The following SRC variants were observed in gnomAD, a reference collection of about 807,000 sequenced individuals.
SRC encodes the protein proto-oncogene tyrosine-protein kinase Src.
SRC carries 13 observed loss-of-function variants against 62.9 expected under a neutral mutation model. The ratio of observed to expected loss-of-function variants is 0.21; its 90% CI spans 0.13 to 0.33. The LOEUF (loss-of-function observed/expected upper bound fraction) is 0.33. Among genes scored for constraint, SRC ranks in the 10% least tolerant of loss-of-function variants. The pLI is 1.00. For synonymous variants in SRC, 302 were observed against 317.5 expected, an observed-to-expected ratio of 0.95 and a Z score of 0.52; for missense variants, 457 against 737.3, an observed-to-expected ratio of 0.62 and a Z score of 4.40.
At chr20:37,355,277 C>T (rs553685559) in intron 1 of SRC, among the ~76,000 whole-genome samples, 1 of 151,772 alleles carries the variant, frequency 6.6e-6, no homozygotes, top group African/African-American at 2.4e-5. Flanking sequence ...GCCCCGGAAC[C>T]AGATGAGACA....
At chr20:37,348,606 G>A (rs982063070) in intron 1 of SRC, among the ~76,000 whole-genome samples, 3 of 152,148 alleles carry the variant, frequency 2.0e-5, no homozygotes, top group Non-Finnish European at 4.4e-5. Flanking sequence ...CAAAGAAGGG[G>A]AGAGGGAGCT....
intron 2 of SRC, among the ~76,000 whole-genome samples, chr20:37,369,636 G>A (rs556467626): frequency 2.8e-4 from 42 of 151,966 alleles, no homozygotes; most frequent in Admixed American, 1.1e-3. Flanking sequence ...TTTCATTTTC[G>A]TTCCTAATTG....
At chr20:37,350,064 C>T (rs897773209) in intron 1 of SRC, among the ~76,000 whole-genome samples, 15 of 152,186 alleles carry the variant, frequency 9.9e-5, no homozygotes, top group Non-Finnish European at 1.9e-4. Flanking sequence ...GGCCTTTTGC[C>T]GGAGCTTCAT....
intron 7 of SRC, among the ~76,000 whole-genome samples, chr20:37,395,218 C>T (rs1157575894): frequency 1.3e-5 from 2 of 152,238 alleles, no homozygotes; most frequent in African/African-American, 2.4e-5. Context: ...CTGGGTGACC[C>T]CAGGCTGGCC....
At chr20:37,370,028 G>C (rs1210688989) in intron 2 of SRC, among the ~76,000 whole-genome samples, 6 of 152,166 alleles carry the variant, frequency 3.9e-5, no homozygotes, top group African/African-American at 1.4e-4. Flanking sequence ...TCTAACTCCT[G>C]ACCTCAGGTG....
chr20:37,348,498 A>G (rs1227446816), intron 1 of SRC, among the ~76,000 whole-genome samples: 6 of 152,146 alleles, frequency 3.9e-5, no homozygotes, highest in Non-Finnish European at 8.8e-5. Context: ...GCTGAGCAGT[A>G]TTGTGCTGGG....
At chr20:37,344,762 C>CCCCT (rs1265037703), upstream of SRC, 3 of 152,280 alleles carry the variant, frequency 2.0e-5, no homozygotes, top group Admixed American at 6.5e-5. Context: ...CAGCCCCTTT[C>CCCCT]CCCTCTAGCC....
intron 2 of SRC, among the ~76,000 whole-genome samples, chr20:37,368,529 T>TTTTTTTTTTTTTTG (rs2070106431): frequency 8.1e-6 from 1 of 122,922 alleles, no homozygotes; most frequent in Admixed American, 7.8e-5. Context: ...TTTTTTTTTT[T>TTTTTTTTTTTTTTG]TTTTTTTTTT....
intron 5 of SRC, among the ~76,000 whole-genome samples, chr20:37,392,248 C>A (rs1478665189): frequency 6.6e-6 from 1 of 152,202 alleles, no homozygotes. Flanking sequence ...GGACACAACA[C>A]CCTCTGGCTC....
At chr20:37,353,917 G>T (rs1194763034) in intron 1 of SRC, among the ~76,000 whole-genome samples, 3 of 152,156 alleles carry the variant, frequency 2.0e-5, no homozygotes, top group African/African-American at 7.2e-5. Context: ...TAACCTCTCT[G>T]TGCCTCAGTT....
In SRC at chr20:37,356,440, C is replaced by T. The variant is rs142938302; in HGVS notation, c.-246-8764C>T. On this transcript the variant is annotated intron_variant, in intron 1 of 13. Transcript: ENST00000373578. ...GCTTCAGTGAGGTGGCCCTGGTGGC[C>T]GCACTGAGAACAGATGGGCCTGGAG... 1.9e-3 allele frequency among the ~76,000 whole-genome samples: 295 copies of T among 152,110 alleles called. 2 individuals carry two copies. Among genetic ancestry groups the T allele is most frequent in the Non-Finnish European group, 2.9e-3 (200 of 67,984 alleles).
At chr20:37,368,533 T>TTTTTTTTTTTG (rs2070107444) in intron 2 of SRC, among the ~76,000 whole-genome samples, 1 of 88,874 alleles carries the variant, frequency 1.1e-5, no homozygotes, top group Non-Finnish European at 2.1e-5. Flanking sequence ...TTTTTTTTTT[T>TTTTTTTTTTTG]TTTTTTTTTT....
At chr20:37,363,694 G>A (rs1042979234) in intron 1 of SRC, among the ~76,000 whole-genome samples, 1 of 152,116 alleles carries the variant, frequency 6.6e-6, no homozygotes, top group African/African-American at 2.4e-5. Flanking sequence ...TTCCACCCCC[G>A]CCTGGACCAG....
chr20:37,403,899 T>C lies in SRC; in HGVS notation c.*520T>C, dbSNP rs1314114420. ...AGGCAGAGGCTGCCGAGACAGACCCTCTGCCGCTGCTTCCAGGCTGGGCAG... is the reference window on the plus strand; with the variant it reads ...AGGCAGAGGCTGCCGAGACAGACCCCCTGCCGCTGCTTCCAGGCTGGGCAG... On this transcript the variant is annotated 3_prime_UTR_variant, in exon 14 of 14. Coordinates refer to ENST00000373578, the MANE Select transcript of SRC (RefSeq NM_198291.3). This position sits in a 1 kb window ranked among gnomAD's most constrained non-coding sequence, Gnocchi z 7.1. The C allele has an allele frequency of 8.2e-6, 2 of 243,824 alleles. No homozygotes were observed. Among genetic ancestry groups the C allele is most frequent in the Non-Finnish European group, 1.6e-5 (2 of 123,076 alleles). 15.1% of individuals were successfully genotyped at this position (243,824 alleles called of 1,614,324 possible).
At chr20:37,380,738 A>G (rs1390597335) in intron 2 of SRC, among the ~76,000 whole-genome samples, 1 of 152,198 alleles carries the variant, frequency 6.6e-6, no homozygotes, top group Non-Finnish European at 1.5e-5. Context: ...AGTGGAGGGC[A>G]CTGGGTGGAC....
chr20:37,357,559 A>G (rs939840464), intron 1 of SRC, among the ~76,000 whole-genome samples: 1 of 152,218 alleles, frequency 6.6e-6, no homozygotes, highest in African/African-American at 2.4e-5. Flanking sequence ...GTATTAAATT[A>G]TAGGGAAGAC....
chr20:37,400,077 G>A (rs371679057), intron 9 of SRC, 38 bp from the exon 10 acceptor site: 4 of 1,548,188 alleles, frequency 2.6e-6, no homozygotes, highest in Admixed American at 3.7e-5. Context: ...TAGGAGTTGG[G>A]GGGCTCCACT....
intron 2 of SRC, among the ~76,000 whole-genome samples, chr20:37,369,903 G>C (rs991641090): frequency 6.6e-6 from 1 of 152,000 alleles, no homozygotes; most frequent in Non-Finnish European, 1.5e-5. Context: ...GGGTTCAAGC[G>C]ATTCTCCTGC....
chr20:37,389,435 G>A lies in SRC; in HGVS notation c.350+3261G>A, dbSNP rs111938974. ...GGGCACCTCGGGAGTCTAGAGCCTC[G>A]GGGTCCTGCCTTCATGCTCTCCTCC... is the stretch of plus-strand genomic sequence containing the variant. On this transcript the variant is annotated intron_variant, in intron 5 of 13. Coordinates refer to ENST00000373578, the MANE Select transcript of SRC (RefSeq NM_198291.3). Among the ~76,000 whole-genome samples the A allele has an allele frequency of 4.0e-3, 608 of 152,250 alleles. 3 individuals are homozygous for A. Among genetic ancestry groups the A allele is most frequent in the African/African-American group, 0.013 (530 of 41,538 alleles).
Sources: gnomAD v4.1 joint callset for allele counts (sites outside exome capture counted in the v4.1 genomes callset) on GRCh38, gnomAD v4.1.1 for gene constraint, Gnocchi (gnomAD v3.1) non-coding constraint, MANE v1.5 for transcripts, NCBI Gene and HGNC (gene_info 2026-07-23, HGNC 2026-07-21) for gene names.